ZNF697: variants seen among roughly 807,000 people sequenced by gnomAD.
ZNF697 encodes zinc finger protein 697.
A neutral mutation model predicts 32.4 loss-of-function variants in ZNF697; 23 were observed. The ratio of observed to expected loss-of-function variants is 0.71; its 90% CI spans 0.51 to 1.01. ZNF697 has a LOEUF of 1.01. Among genes scored for constraint, ZNF697 ranks in the 50% least tolerant of loss-of-function variants. ZNF697 has a pLI of 0.00. For synonymous variants in ZNF697, 418 were observed against 337.2 expected, an observed-to-expected ratio of 1.24 and a Z score of -2.62; for missense variants, 930 against 794.0, an observed-to-expected ratio of 1.17 and a Z score of -2.06.
chr1:119,625,927 G>C lies in ZNF697; in HGVS notation c.174C>G (p.Gly58=). 6.2e-7 allele frequency: 1 copy of C among 1,614,016 alleles called. No homozygotes were observed. Among genetic ancestry groups the C allele is most frequent in the Non-Finnish European group, 8.5e-7 (1 of 1,179,872 alleles). The stretch of plus-strand genomic sequence containing the variant: ...TGTGCCTTGAGTCCTGTGGGTTGGA[G>C]CCCATCTCCGGCTCCGGATGGCCTT... The part of the protein sequence containing the change: ...KREGHPEPEM[G]SNPQDSRHRE... The change falls in exon 2 of 3, where the codon GGC becomes GGG. Residue 58 remains glycine (G), a synonymous_variant. Transcript: ENST00000421812.
In ZNF697 at chr1:119,623,579, G is replaced by A. The variant is rs1189735148; in HGVS notation, c.764C>T (p.Pro255Leu). The A allele has an allele frequency of 1.4e-6, 2 of 1,455,946 alleles. No homozygotes were observed. Among genetic ancestry groups the A allele is most frequent in the Non-Finnish European group, 1.8e-6 (2 of 1,114,542 alleles). The allele number at this position is 1,455,946 out of a possible 1,614,324, so 90.2% of individuals were successfully genotyped here. A position where few individuals can be genotyped will look rare whatever the true frequency, so the allele number is the denominator to read the frequency against. Residue 255 changes from proline to leucine, a missense_variant, in exon 3 of 3, where the codon CCC (proline) becomes CTC (leucine). Pro to Leu is a moderately conservative substitution (Grantham distance 98). Transcript: ENST00000421812. ...GCAGCGGAAGGGCTTTTCGCGCGGG[G>A]GCCGGGCCAGCGGGGGCCCGGCCCC... ...GFGAGPPLAR[P>L]PREKPFRCGE...
chr1:119,643,129 T>C (rs1649121674), intron 1 of ZNF697, among the ~76,000 whole-genome samples: 1 of 152,232 alleles, frequency 6.6e-6, no homozygotes, highest in East Asian at 1.9e-4. Context: ...GATAAACTTC[T>C]CAGAAGACCA....
At chr1:119,629,841 C>T (rs935785209) in intron 1 of ZNF697, among the ~76,000 whole-genome samples, 3 of 152,204 alleles carry the variant, frequency 2.0e-5, no homozygotes, top group African/African-American at 4.8e-5. Flanking sequence ...TAATGAACAA[C>T]TCACCATGTG....
chr1:119,622,771 C>G lies in ZNF697; in HGVS notation c.1572G>C (p.Ala524=), dbSNP rs771043710. 5.0e-6 allele frequency: 8 copies of G among 1,589,174 alleles called. No individual in the cohort carries two copies. The highest frequency in any genetic ancestry group is 6.9e-6 in the Non-Finnish European group (8 of 1,167,808). ...IHTGNKPHKC[A]GCGKGFRYKT... is the part of the protein sequence containing the mutation. ...TATAGCGGAAGCCTTTGCCGCAGCC[C>G]GCACACTTGTGCGGCTTGTTGCCCG... is the stretch of plus-strand genomic sequence containing the variant. The change falls in exon 3 of 3, where the codon GCG becomes GCC. Residue 524 remains alanine (A), a synonymous_variant. Coordinates refer to ENST00000421812, the MANE Select transcript of ZNF697 (RefSeq NM_001080470.2).
intron 1 of ZNF697, among the ~76,000 whole-genome samples, chr1:119,639,659 G>A (rs1040420292): frequency 1.3e-5 from 2 of 150,408 alleles, no homozygotes; most frequent in East Asian, 3.9e-4. Flanking sequence ...CCAGTGGATC[G>A]CTTAAGCTCG....
chr1:119,622,711 C>G lies in ZNF697; in HGVS notation c.1632G>C (p.Leu544=), dbSNP rs1648376999. 1 of 1,530,268 alleles carries G rather than the reference C, an allele frequency of 6.5e-7. No individual in the cohort carries two copies. The highest frequency in any genetic ancestry group is 1.2e-5 in the South Asian group (1 of 80,420). 94.8% of individuals were successfully genotyped at this position (1,530,268 alleles called of 1,614,324 possible). ...CCTCCCGCGGACCCAGCCCCTAACA[C>G]AGGTGCAGCTTCTGGTGCTGCGCGA... is the stretch of plus-strand genomic sequence containing the variant. ...THLAQHQKLH[L]C The change falls in exon 3 of 3, where the codon CTG becomes CTC. Residue 544 remains leucine (L), a synonymous_variant. Transcript: ENST00000421812.
In ZNF697 at chr1:119,623,935, C is replaced by T. The variant is rs1648480808; in HGVS notation, c.408G>A (p.Pro136=). 8 of 1,590,434 alleles carry T rather than the reference C, an allele frequency of 5.0e-6. No individual in the cohort carries two copies. The highest frequency in any genetic ancestry group is 6.8e-6 in the Non-Finnish European group (8 of 1,168,658). ...GCCTCCAGGGAAGTACGGGAGGGGC[C>T]GGCTGCTCCTCTTCCTCCTCCAGCC... ...ENRLEEEEEQ[P]APPVLPWRRH... The change falls in exon 3 of 3, where the codon CCG becomes CCA. Residue 136 remains proline, a synonymous_variant. Transcript: ENST00000421812.
At chr1:119,636,536 G>A (rs1234588203) in intron 1 of ZNF697, among the ~76,000 whole-genome samples, 1 of 152,134 alleles carries the variant, frequency 6.6e-6, no homozygotes, top group African/African-American at 2.4e-5. Context: ...AAGTCCAAAA[G>A]CAGGGAGTAG....
chr1:119,619,684 C>T lies in ZNF697; in HGVS notation c.*3021G>A, dbSNP rs1648248496. On this transcript the variant is annotated 3_prime_UTR_variant, in exon 3 of 3. Transcript: ENST00000421812. ...GTTTAGATTGTCTATGAACACAGGT[C>T]CTTAATTTGTATTTTTTCACATATG... 6.6e-6 allele frequency: 1 copy of T among 152,544 alleles called. No homozygotes were observed. The allele number at this position is 152,544 out of a possible 1,614,324, so 9.4% of individuals were successfully genotyped here. A position where few individuals can be genotyped will look rare whatever the true frequency, so the allele number is the denominator to read the frequency against.
intron 2 of ZNF697, among the ~76,000 whole-genome samples, chr1:119,625,160 C>G (rs12079724): frequency 0.7 from 106,031 of 151,830 alleles, 38,003 homozygotes; most frequent in African/African-American, 0.87. Flanking sequence ...GCACATGCTT[C>G]TGTGCACTGC....
chr1:119,632,590 G>A (rs1339544678), intron 1 of ZNF697, among the ~76,000 whole-genome samples: 2 of 152,228 alleles, frequency 1.3e-5, no homozygotes, highest in Non-Finnish European at 2.9e-5. Flanking sequence ...CTGTGATCAG[G>A]AATAGCACAA....
rs762831904 is a variant in ZNF697 at position 119,625,937 on chromosome 1, G to A, written c.164C>T (p.Pro55Leu). Residue 55 changes from proline to leucine, a missense_variant, in exon 2 of 3, where the codon CCG becomes CTG. By Grantham distance (98) the Pro-to-Leu change is moderately conservative. Coordinates refer to ENST00000421812, the MANE Select transcript of ZNF697 (RefSeq NM_001080470.2). ...GTCCTGTGGGTTGGAGCCCATCTCC[G>A]GCTCCGGATGGCCTTCTCTCTTGTT... ...DTNKREGHPEPEMGSNPQDSR... is the reference protein window; with the variant it reads ...DTNKREGHPELEMGSNPQDSR... 18 of 1,613,812 alleles carry A rather than the reference G, an allele frequency of 1.1e-5. No individual in the cohort carries two copies. The highest frequency in any genetic ancestry group is 2.2e-5 in the East Asian group (1 of 44,898).
intron 2 of ZNF697, 72 bp from the exon 3 acceptor site, chr1:119,624,188 C>G: frequency 6.8e-7 from 1 of 1,475,676 alleles, no homozygotes; most frequent in Middle Eastern, 1.8e-4. Flanking sequence ...GAGGAAACCT[C>G]AGTAATAAAA....
intron 2 of ZNF697, 122 bp from the exon 3 acceptor site, chr1:119,624,238 T>TC: frequency 8.2e-7 from 1 of 1,213,894 alleles, no homozygotes; most frequent in Non-Finnish European, 1.1e-6. Flanking sequence ...TCCCTGCCCC[T>TC]CCAAGACCCC....
chr1:119,642,457 G>A (rs769425454), intron 1 of ZNF697, among the ~76,000 whole-genome samples: 19 of 152,174 alleles, frequency 1.2e-4, no homozygotes, highest in Non-Finnish European at 2.4e-4. Flanking sequence ...GGCTGTACAT[G>A]TGTGAGGGCC....
chr1:119,640,928 A>G (rs1212864347), intron 1 of ZNF697, among the ~76,000 whole-genome samples: 1 of 152,302 alleles, frequency 6.6e-6, no homozygotes, highest in East Asian at 1.9e-4. Context: ...TTTTCTTACT[A>G]CAACAAGAAA....
chr1:119,622,546 A>C lies in ZNF697; in HGVS notation c.*159T>G, dbSNP rs993711557. Reference sequence around the variant, plus strand: ...AGCACCGGGAAAGACCAACTTACTCAACACTCCTCCCACTTCAGGAAACCC... The same window carrying C: ...AGCACCGGGAAAGACCAACTTACTCCACACTCCTCCCACTTCAGGAAACCC... On this transcript the variant is annotated 3_prime_UTR_variant, in exon 3 of 3. Coordinates refer to ENST00000421812, the MANE Select transcript of ZNF697 (RefSeq NM_001080470.2). The C allele has an allele frequency of 2.2e-6, 3 of 1,346,562 alleles. No individual in the cohort carries two copies. The highest frequency in any genetic ancestry group is 2.7e-4 in the Middle Eastern group (1 of 3,714). 83.4% of individuals were successfully genotyped at this position (1,346,562 alleles called of 1,614,324 possible). A position where few individuals can be genotyped will look rare whatever the true frequency, so the allele number is the denominator to read the frequency against.
chr1:119,622,489 G>C lies in ZNF697; in HGVS notation c.*216C>G, dbSNP rs1044055231. On this transcript the variant is annotated 3_prime_UTR_variant, in exon 3 of 3. Coordinates refer to ENST00000421812, the MANE Select transcript of ZNF697 (RefSeq NM_001080470.2). Reference sequence around the variant, plus strand: ...AGTCATCACCCCAAGCGCATCTCCTGAACAATTCTTCCGTGGAGAGGAGGC... The same window carrying C: ...AGTCATCACCCCAAGCGCATCTCCTCAACAATTCTTCCGTGGAGAGGAGGC... 17 of 900,902 alleles carry C rather than the reference G, an allele frequency of 1.9e-5. No individual in the cohort carries two copies. Among genetic ancestry groups the C allele is most frequent in the Non-Finnish European group, 2.5e-5 (16 of 634,604 alleles). The allele number at this position is 900,902 out of a possible 1,614,324, so 55.8% of individuals were successfully genotyped here. A position where few individuals can be genotyped will look rare whatever the true frequency, so the allele number is the denominator to read the frequency against.
chr1:119,627,602 T>C (rs189602504), intron 1 of ZNF697, among the ~76,000 whole-genome samples: 16 of 152,336 alleles, frequency 1.1e-4, no homozygotes, highest in Admixed American at 2.6e-4. Flanking sequence ...AAAGACACGC[T>C]AGCCCCTCTG....
Sources: allele counts gnomAD v4.1 joint callset (sites outside exome capture counted in the v4.1 genomes callset), GRCh38; gene constraint gnomAD v4.1.1; transcripts MANE v1.5; gene names NCBI Gene and HGNC (gene_info 2026-07-23, HGNC 2026-07-21).